The following PRKCI variants were observed in gnomAD, a reference collection of about 807,000 sequenced individuals.
The protein encoded by PRKCI is protein kinase C iota type.
In PRKCI, 43 loss-of-function variants were observed where a neutral mutation model predicts 84.0. The ratio of observed to expected loss-of-function variants is 0.51; its 90% CI spans 0.40 to 0.66. The LOEUF is 0.66. PRKCI is among the 30% of genes least tolerant of loss of function. The pLI is 0.00. For synonymous variants in PRKCI, 216 were observed against 234.4 expected, an observed-to-expected ratio of 0.92 and a Z score of 0.72; for missense variants, 459 against 745.6, an observed-to-expected ratio of 0.62 and a Z score of 4.48.
Position 170,222,514 on chromosome 3 carries a change from G to T in PRKCI, c.-156G>T, listed in dbSNP as rs1412053950. The T allele has an allele frequency of 1.2e-5, 7 of 602,682 alleles. No individual in the cohort carries two copies. Among genetic ancestry groups the T allele is most frequent in the South Asian group, 6.4e-5 (2 of 31,218 alleles). 37.3% of individuals were successfully genotyped at this position (602,682 alleles called of 1,614,324 possible). A position where few individuals can be genotyped will look rare whatever the true frequency, so the allele number is the denominator to read the frequency against. On this transcript the variant is annotated 5_prime_UTR_variant, in exon 1 of 18. Transcript: ENST00000295797. ...GCCGCGCGGTTCCGGCTGCTCCGGCGAGGCGACCCTTGGGTCGGCGCTGCG... is the reference window on the plus strand; with the variant it reads ...GCCGCGCGGTTCCGGCTGCTCCGGCTAGGCGACCCTTGGGTCGGCGCTGCG...
At chr3:170,225,042 C>G (rs986388667) in intron 1 of PRKCI, among the ~76,000 whole-genome samples, 3 of 152,096 alleles carry the variant, frequency 2.0e-5, no homozygotes, top group African/African-American at 7.2e-5. Flanking sequence ...GCTTATTGCT[C>G]CAGTTATTAA....
At chr3:170,234,297 C>T (rs1048642686) in intron 1 of PRKCI, among the ~76,000 whole-genome samples, 1 of 152,088 alleles carries the variant, frequency 6.6e-6, no homozygotes, top group Non-Finnish European at 1.5e-5. Context: ...TCCCAAAGTG[C>T]TGGGGTTACA....
chr3:170,302,465 A>G (rs894333651), intron 17 of PRKCI, among the ~76,000 whole-genome samples: 12 of 152,190 alleles, frequency 7.9e-5, no homozygotes, highest in Admixed American at 3.3e-4. Context: ...TTAGTATGGC[A>G]TAATACATTT....
intron 6 of PRKCI, 138 bp from the exon 7 acceptor site, chr3:170,273,146 CAA>C (rs567931739): frequency 1.7e-4 from 114 of 680,424 alleles, no homozygotes; most frequent in Non-Finnish European, 2.6e-4. Context: ...TTTCATAAAA[CAA>C]AATTAAAAGT....
At position 170,268,082 on chromosome 3, in the gene PRKCI, TAA is replaced by T; in HGVS notation, c.450+83_450+84del. On this transcript the variant is annotated intron_variant, in intron 5 of 17. Coordinates refer to ENST00000295797, the MANE Select transcript of PRKCI (RefSeq NM_002740.6). Reference sequence around the variant, plus strand: ...CTATGAAAGAAAGGTAGTTTGTTATTAAGTCTTGTTATACACTTTTAAATACA... The same window carrying T: ...CTATGAAAGAAAGGTAGTTTGTTATTGTCTTGTTATACACTTTTAAATACA... The T allele has an allele frequency of 2.6e-6, 3 of 1,136,606 alleles. No individual in the cohort carries two copies. In the South Asian group the frequency reaches 4.2e-5, roughly 16 times the overall value. 70.4% of individuals were successfully genotyped at this position (1,136,606 alleles called of 1,614,324 possible).
At chr3:170,261,812 A>G (rs1733734076) in intron 3 of PRKCI, among the ~76,000 whole-genome samples, 3 of 152,244 alleles carry the variant, frequency 2.0e-5, no homozygotes, top group Middle Eastern at 6.8e-3. Context: ...AGAATTTGAC[A>G]TAGTGACTCA....
At chr3:170,279,496 A>G (rs555136005) in intron 8 of PRKCI, among the ~76,000 whole-genome samples, 2 of 152,224 alleles carry the variant, frequency 1.3e-5, no homozygotes, top group Non-Finnish European at 2.9e-5. Flanking sequence ...TCATGGGTCC[A>G]TTGTGTGCTG....
intron 1 of PRKCI, among the ~76,000 whole-genome samples, chr3:170,232,623 A>G (rs1039888068): frequency 3.3e-5 from 5 of 151,766 alleles, no homozygotes; most frequent in East Asian, 1.9e-4. Context: ...CTGAAGTCCA[A>G]TGGCTCGATC....
At chr3:170,239,852 C>T (rs192268111) in intron 2 of PRKCI, among the ~76,000 whole-genome samples, 34 of 151,556 alleles carry the variant, frequency 2.2e-4, no homozygotes, top group African/African-American at 8.2e-4. Context: ...ATACTATGCT[C>T]AAAAAATATT....
At chr3:170,245,157 G>C (rs1045106089) in intron 2 of PRKCI, among the ~76,000 whole-genome samples, 3 of 152,030 alleles carry the variant, frequency 2.0e-5, no homozygotes, top group African/African-American at 7.3e-5. Flanking sequence ...GGGTGGTTGG[G>C]GGAAGTCAGA....
At chr3:170,251,814 G>A (rs1733453598) in intron 2 of PRKCI, among the ~76,000 whole-genome samples, 1 of 151,992 alleles carries the variant, frequency 6.6e-6, no homozygotes, top group Non-Finnish European at 1.5e-5. Flanking sequence ...GGAGGCTGAG[G>A]CAGAAGAATT....
At chr3:170,249,146 C>A (rs1421214652) in intron 2 of PRKCI, among the ~76,000 whole-genome samples, 2 of 151,836 alleles carry the variant, frequency 1.3e-5, no homozygotes, top group African/African-American at 4.8e-5. Flanking sequence ...CCGCGCCCGG[C>A]CAGAATTGGC....
rs761243863 is a variant in PRKCI at position 170,295,917 on chromosome 3, T to C, written c.1424T>C (p.Leu475Ser). ...NTEDYLFQVILEKQIRIPRSL... is the reference protein window; with the variant it reads ...NTEDYLFQVISEKQIRIPRSL... ...ATAATTTTTATCTTTCTAGTTATTTTGGAAAAACAAATTCGCATACCACGT... is the reference window on the plus strand; with the variant it reads ...ATAATTTTTATCTTTCTAGTTATTTCGGAAAAACAAATTCGCATACCACGT... The change falls in exon 15 of 18, where the codon TTG (leucine) becomes TCG (serine). Residue 475 changes from leucine to serine, a missense_variant. Leu to Ser is a moderately radical substitution (Grantham distance 145). Coordinates refer to ENST00000295797, the MANE Select transcript of PRKCI (RefSeq NM_002740.6). 1 of 1,563,364 alleles carries C rather than the reference T, an allele frequency of 6.4e-7. No individual in the cohort carries two copies. Among genetic ancestry groups the C allele is most frequent in the South Asian group, 1.2e-5 (1 of 82,624 alleles).
intron 4 of PRKCI, among the ~76,000 whole-genome samples, chr3:170,265,954 A>C (rs1232700984): frequency 6.6e-6 from 1 of 151,974 alleles, no homozygotes; most frequent in Non-Finnish European, 1.5e-5. Flanking sequence ...CTATCCTGAG[A>C]TTTCTAATTG....
chr3:170,296,135 A>G (rs1734681771), intron 15 of PRKCI, 145 bp downstream of exon 15: 1 of 437,988 alleles, frequency 2.3e-6, no homozygotes, highest in Non-Finnish European at 4.1e-6. Flanking sequence ...CTCTTACCCA[A>G]AGAGTAATTG....
chr3:170,222,609 C>A lies in PRKCI; in HGVS notation c.-61C>A. The A allele has an allele frequency of 1.4e-6, 2 of 1,423,698 alleles. No individual in the cohort carries two copies. The highest frequency in any genetic ancestry group is 2.8e-5 in the East Asian group (1 of 35,234). The allele number at this position is 1,423,698 out of a possible 1,614,324, so 88.2% of individuals were successfully genotyped here. On this transcript the variant is annotated 5_prime_UTR_variant, in exon 1 of 18. Transcript: ENST00000295797. ...CAAGCGCAGGCGGCGGAGTCCCCCACGGCGCCCGAAGCGCCCCCCCGCACC... is the reference window on the plus strand; with the variant it reads ...CAAGCGCAGGCGGCGGAGTCCCCCAAGGCGCCCGAAGCGCCCCCCCGCACC...
intron 2 of PRKCI, among the ~76,000 whole-genome samples, chr3:170,248,192 CTAAA>C (rs1463485368): frequency 2.0e-5 from 3 of 152,232 alleles, no homozygotes; most frequent in Non-Finnish European, 4.4e-5. Flanking sequence ...ACTGAAATAA[CTAAA>C]TAAAACAAGA....
At chr3:170,226,743 A>G (rs975171008) in intron 1 of PRKCI, among the ~76,000 whole-genome samples, 3 of 152,194 alleles carry the variant, frequency 2.0e-5, no homozygotes, top group Non-Finnish European at 2.9e-5. Flanking sequence ...TTTTAGCAAT[A>G]TACTTTAGTA....
Position 170,222,766 on chromosome 3 carries a change from C to G in PRKCI, c.97C>G (p.Arg33Gly), listed in dbSNP as rs1256310680. The change falls in exon 1 of 18, where the codon CGC becomes GGC. Residue 33 changes from arginine (R) to glycine (G), a missense_variant. Coordinates refer to ENST00000295797, the MANE Select transcript of PRKCI (RefSeq NM_002740.6). ...CCAGGTCCGGGTGAAAGCCTACTAC[C>G]GCGGGTGAGTGTCCTGGGACAGGGC... ...SHQVRVKAYY[R>G]GDIMITHFEP... 1 of 1,556,588 alleles carries G rather than the reference C, an allele frequency of 6.4e-7. No individual in the cohort carries two copies. Among genetic ancestry groups the G allele is most frequent in the South Asian group, 1.1e-5 (1 of 89,642 alleles).
Sources: allele counts gnomAD v4.1 joint callset (sites outside exome capture counted in the v4.1 genomes callset), GRCh38; gene constraint gnomAD v4.1.1; transcripts MANE v1.5; gene names NCBI Gene and HGNC (gene_info 2026-07-23, HGNC 2026-07-21).